ZC3H7B: variants seen among roughly 807,000 people sequenced by gnomAD.
ZC3H7B encodes zinc finger CCCH domain-containing protein 7B.
In ZC3H7B, 35 loss-of-function variants were observed where a neutral mutation model predicts 116.0. That is an observed-to-expected ratio of 0.30 (90% CI 0.23 to 0.40). The LOEUF is 0.40. ZC3H7B is among the 10% of genes least tolerant of loss of function. The pLI is 1.00. For missense variants in ZC3H7B, 1,011 were observed against 1,321.5 expected (o/e 0.77, Z 3.64); for synonymous variants, 502 against 545.6 (o/e 0.92, Z 1.11).
intron 4 of ZC3H7B, 115 bp downstream of exon 4, chr22:41,326,033 C>T (rs1321368650): frequency 1.6e-6 from 2 of 1,225,290 alleles, no homozygotes; most frequent in South Asian, 1.5e-5. Context: ...CTCCTCCCAG[C>T]CTGCTTTCAG....
intron 7 of ZC3H7B, chr22:41,335,368 CA>C (rs2036430797): frequency 6.6e-6 from 1 of 152,142 alleles, no homozygotes; most frequent in African/African-American, 2.4e-5. Context: ...GATAGAGCTC[CA>C]TAGACCTTTG....
chr22:41,320,965 C>T (rs781473673), intron 2 of ZC3H7B, among the ~76,000 whole-genome samples: 9 of 152,154 alleles, frequency 5.9e-5, no homozygotes, highest in Non-Finnish European at 1.2e-4. Context: ...CTGCCCTCAC[C>T]CTTCACATTT....
At chr22:41,305,612 C>G (rs1017222796) in intron 1 of ZC3H7B, among the ~76,000 whole-genome samples, 2 of 152,198 alleles carry the variant, frequency 1.3e-5, no homozygotes, top group African/African-American at 4.8e-5. Flanking sequence ...TAAACTGGCT[C>G]TGTATCCCAG....
chr22:41,353,869 C>T (rs1196590754), intron 17 of ZC3H7B, among the ~76,000 whole-genome samples: 1 of 152,364 alleles, frequency 6.6e-6, no homozygotes, highest in East Asian at 1.9e-4. Flanking sequence ...TTTCCCCTCC[C>T]CATCTGTTTC....
In ZC3H7B at chr22:41,356,770, C is replaced by T; in HGVS notation, c.2643C>T (p.Ala881=). Residue 881 remains alanine (A), a synonymous_variant, in exon 22 of 23, where the codon GCC becomes GCT. Transcript: ENST00000352645. The part of the protein sequence containing the change: ...FTSDSDASGW[A]FRFPMGEFRL... ...CCGACAGTGACGCCAGCGGCTGGGC[C>T]TTCCGCTTCCCCATGGGCGAGTTCC... 1 of 1,613,584 alleles carries T rather than the reference C, an allele frequency of 6.2e-7. No homozygotes were observed.
intron 1 of ZC3H7B, among the ~76,000 whole-genome samples, chr22:41,319,939 G>A (rs1467427566): frequency 6.6e-6 from 1 of 150,936 alleles, no homozygotes; most frequent in African/African-American, 2.4e-5. Flanking sequence ...GCTGAGGCAG[G>A]AGAATCGCTT....
chr22:41,313,211 C>T (rs1410780456), intron 1 of ZC3H7B, among the ~76,000 whole-genome samples: 1 of 151,764 alleles, frequency 6.6e-6, no homozygotes, highest in Non-Finnish European at 1.5e-5. Context: ...CTCCGCCTCC[C>T]GGGTTCAAGC....
rs957688057 is a variant in ZC3H7B at position 41,346,843 on chromosome 22, G to A, written c.1665+635G>A. Among the ~76,000 whole-genome samples, 2 of 151,808 alleles carry A rather than the reference G, an allele frequency of 1.3e-5. No homozygotes were observed. Among genetic ancestry groups the A allele is most frequent in the Admixed American group, 6.6e-5 (1 of 15,228 alleles). Reference sequence around the variant, plus strand: ...CTGGGCTTGGTGGCATGCGCCTCCCGTCCCAGTTACTCAGGAGGCTAAGGT... The same window carrying A: ...CTGGGCTTGGTGGCATGCGCCTCCCATCCCAGTTACTCAGGAGGCTAAGGT... On this transcript the variant is annotated intron_variant, in intron 14 of 22. Coordinates refer to ENST00000352645, the MANE Select transcript of ZC3H7B (RefSeq NM_017590.6). The surrounding 1 kb of genome is among the most constrained non-coding windows in gnomAD (Gnocchi z 5.3).
At chr22:41,339,682 G>A in intron 9 of ZC3H7B, 134 bp from the exon 10 acceptor site, 1 of 762,898 alleles carries the variant, frequency 1.3e-6, no homozygotes, top group Non-Finnish European at 2.1e-6. Flanking sequence ...ACCATAGTGA[G>A]CCCTGCTCCC....
At chr22:41,309,929 A>T (rs1197081198) in intron 1 of ZC3H7B, among the ~76,000 whole-genome samples, 1 of 151,980 alleles carries the variant, frequency 6.6e-6, no homozygotes, top group African/African-American at 2.4e-5. Flanking sequence ...TTGATGGCTG[A>T]GCACGGTGGC....
At chr22:41,343,328 C>A (rs2036544316) in intron 12 of ZC3H7B, 87 bp from the exon 13 acceptor site, 2 of 1,506,262 alleles carry the variant, frequency 1.3e-6, no homozygotes, top group Non-Finnish European at 9.0e-7. Context: ...AAGGAGGGGG[C>A]CGATTCCTAC....
chr22:41,306,972 T>TC (rs1471414006), intron 1 of ZC3H7B, among the ~76,000 whole-genome samples: 1 of 134,726 alleles, frequency 7.4e-6, no homozygotes, highest in Non-Finnish European at 1.6e-5. Flanking sequence ...TCAGCTCCTT[T>TC]CTTTTTTTTT....
rs113727026 is a variant in ZC3H7B, at chr22:41,351,885, T to C, written c.2034+239T>C. On this transcript the variant is annotated intron_variant, in intron 17 of 22. Coordinates refer to ENST00000352645, the MANE Select transcript of ZC3H7B (RefSeq NM_017590.6). The surrounding 1 kb of genome is among the most constrained non-coding windows in gnomAD (Gnocchi z 5.1). ...TCACCCAGCCTGGAGTGCAGTGGTA[T>C]GATCATGGCCCACTGCAGCTTCCAC... Among the ~76,000 whole-genome samples, 2,450 of 152,200 alleles carry C rather than the reference T, an allele frequency of 0.016. 69 individuals are homozygous for C. The highest frequency in any genetic ancestry group is 0.057 in the African/African-American group (2,357 of 41,484).
intron 1 of ZC3H7B, among the ~76,000 whole-genome samples, chr22:41,304,645 T>C (rs977452824): frequency 6.6e-6 from 1 of 152,138 alleles, no homozygotes; most frequent in African/African-American, 2.4e-5. Context: ...TTCTAGGAAG[T>C]AGAATTTGAA....
At chr22:41,336,429 C>A (rs2036448393) in intron 7 of ZC3H7B, 1 of 151,948 alleles carries the variant, frequency 6.6e-6, no homozygotes, top group African/African-American at 2.4e-5. Context: ...TCTGGGAGGC[C>A]GAGGCGGGTG....
intron 2 of ZC3H7B, among the ~76,000 whole-genome samples, chr22:41,324,983 C>A (rs111882149): frequency 6.6e-6 from 1 of 152,208 alleles, no homozygotes; most frequent in South Asian, 2.1e-4. Flanking sequence ...AGCCTTCCCC[C>A]GCTCTGCCTT....
chr22:41,328,846 G>A (rs2036347484), intron 5 of ZC3H7B, among the ~76,000 whole-genome samples: 1 of 151,876 alleles, frequency 6.6e-6, no homozygotes. Context: ...TTTGGCGATA[G>A]AAACAAGTTG....
rs1164592794 is a variant in ZC3H7B, at chr22:41,351,386, C to A, written c.1949-175C>A. On this transcript the variant is annotated intron_variant, in intron 16 of 22. Transcript: ENST00000352645. This position sits in a 1 kb window ranked among gnomAD's most constrained non-coding sequence, Gnocchi z 5.1. The stretch of plus-strand genomic sequence containing the variant: ...GTGAGGCTCGGAGCAGGTCTTTGTT[C>A]CCATTTTGCAGATGGACAAAGTGGT... Among the ~76,000 whole-genome samples, 1 of 152,182 alleles carries A rather than the reference C, an allele frequency of 6.6e-6. No individual in the cohort carries two copies. The highest frequency in any genetic ancestry group is 1.5e-5 in the Non-Finnish European group (1 of 68,034).
chr22:41,312,937 G>A (rs988834253), intron 1 of ZC3H7B, among the ~76,000 whole-genome samples: 1 of 152,140 alleles, frequency 6.6e-6, no homozygotes, highest in Non-Finnish European at 1.5e-5. Context: ...TTGAGTACAT[G>A]TGTAGGGATT....
Sources: gnomAD v4.1 joint callset for allele counts (sites outside exome capture counted in the v4.1 genomes callset) on GRCh38, gnomAD v4.1.1 for gene constraint, Gnocchi (gnomAD v3.1) non-coding constraint, MANE v1.5 for transcripts, NCBI Gene and HGNC (gene_info 2026-07-23, HGNC 2026-07-21) for gene names.